The following LDB2 variants were observed in gnomAD, a reference collection of about 807,000 sequenced individuals.
LDB2 encodes LIM domain binding 2, also known as LIM domain-binding protein 2.
Under a neutral mutation model 44.3 loss-of-function variants are expected in LDB2, and 12 were observed. The ratio of observed to expected loss-of-function variants is 0.27; its 90% CI spans 0.17 to 0.44. LDB2 has a LOEUF of 0.44. Ranked by LOEUF, LDB2 falls within the 20% of genes least tolerant of loss-of-function variation. The pLI is 1.00. For synonymous variants in LDB2, 164 were observed against 174.8 expected, an observed-to-expected ratio of 0.94 and a Z score of 0.49; for missense variants, 344 against 473.5, an observed-to-expected ratio of 0.73 and a Z score of 2.54.
intron 1 of LDB2, among the ~76,000 whole-genome samples, chr4:16,814,027 A>G (rs932321359): frequency 3.3e-5 from 5 of 151,400 alleles, no homozygotes; most frequent in African/African-American, 7.3e-5. Context: ...GCCCACCACC[A>G]CGCCTGGCTA....
At chr4:16,839,437 G>A (rs1785464935) in intron 1 of LDB2, among the ~76,000 whole-genome samples, 1 of 152,132 alleles carries the variant, frequency 6.6e-6, no homozygotes, top group African/African-American at 2.4e-5. Flanking sequence ...CTGTTCATGA[G>A]GGATCCACCT....
chr4:16,773,257 G>A (rs1370043410), intron 1 of LDB2, among the ~76,000 whole-genome samples: 1 of 152,138 alleles, frequency 6.6e-6, no homozygotes, highest in African/African-American at 2.4e-5. Flanking sequence ...TGGAAGACAG[G>A]TTTTTCACGG....
intron 2 of LDB2, among the ~76,000 whole-genome samples, chr4:16,720,834 T>G (rs543431903): frequency 3.3e-5 from 5 of 152,168 alleles, no homozygotes; most frequent in Admixed American, 2.6e-4. Context: ...AATCGTTATC[T>G]TATTTCATGG....
At chr4:16,592,482 A>G (rs1480794914) in intron 3 of LDB2, among the ~76,000 whole-genome samples, 1 of 131,504 alleles carries the variant, frequency 7.6e-6, no homozygotes, top group South Asian at 2.5e-4. Flanking sequence ...ATATATATAT[A>G]TATATATATA....
chr4:16,775,793 T>C (rs1009415651), intron 1 of LDB2, among the ~76,000 whole-genome samples: 4 of 152,164 alleles, frequency 2.6e-5, no homozygotes, highest in African/African-American at 9.7e-5. Flanking sequence ...ATTTTTCCTG[T>C]ACCCCTAGTG....
Position 16,534,076 on chromosome 4 carries a change from T to TG in LDB2, c.616-21973dup, listed in dbSNP as rs199933653. On this transcript the variant is annotated intron_variant, in intron 5 of 7. Coordinates refer to ENST00000304523, the MANE Select transcript of LDB2 (RefSeq NM_001290.5). ...CTCTCAAGGTAAATGATCATAAACT[T>TG]GGGGGGCAGGGGTGTCCAGCAGAAT... 2.5e-3 allele frequency among the ~76,000 whole-genome samples: 378 copies of TG among 152,180 alleles called. 2 individuals carry two copies. The highest frequency in any genetic ancestry group is 8.5e-3 in the African/African-American group (354 of 41,524).
chr4:16,833,688 G>A (rs540874802), intron 1 of LDB2, among the ~76,000 whole-genome samples: 5 of 152,114 alleles, frequency 3.3e-5, no homozygotes, highest in East Asian at 1.9e-4. Context: ...GACTACCGGC[G>A]CATGCCACCA....
intron 1 of LDB2, among the ~76,000 whole-genome samples, chr4:16,841,753 G>A (rs1177415539): frequency 6.6e-6 from 1 of 152,108 alleles, no homozygotes; most frequent in Non-Finnish European, 1.5e-5. Flanking sequence ...CATTTACCTT[G>A]GAACTGAACA....
In LDB2 at chr4:16,602,388, T is replaced by C. The variant is rs1440353591; in HGVS notation, c.236-6513A>G. On this transcript the variant is annotated intron_variant, in intron 2 of 7. Coordinates refer to ENST00000304523, the MANE Select transcript of LDB2 (RefSeq NM_001290.5). Reference sequence around the variant, plus strand: ...AGGGGCAAAAGCCCTAAGACAGGAATGAATTTTGATTGAACGAGTTTAGTG... The same window carrying C: ...AGGGGCAAAAGCCCTAAGACAGGAACGAATTTTGATTGAACGAGTTTAGTG... 2.0e-5 allele frequency among the ~76,000 whole-genome samples: 3 copies of C among 152,264 alleles called. No homozygotes were observed. In the East Asian group the frequency reaches 5.8e-4, roughly 29 times the overall value.
At position 16,502,745 on chromosome 4, in the gene LDB2, GA is replaced by G. The variant is rs1233651959; in HGVS notation, c.1019del (p.Phe340SerfsTer45). ...TGTTCCCCAGCGCGGGTGAATTGTTGAAGTCCTCCTCGTCGTCCATGCCGTT... is the reference window on the plus strand; with the variant it reads ...TGTTCCCCAGCGCGGGTGAATTGTTGAGTCCTCCTCGTCGTCCATGCCGTT... Reference protein sequence around the residue: ...AANGMDDEEDFNNSPALGNNS... With the variant: ...AANGMDDEEDXNNSPALGNNS... On this transcript the variant is annotated frameshift_variant, in exon 8 of 8. Coordinates refer to ENST00000304523, the MANE Select transcript of LDB2 (RefSeq NM_001290.5). LOFTEE classifies it high-confidence loss of function. The G allele has an allele frequency of 6.2e-7, 1 of 1,613,976 alleles. No individual in the cohort carries two copies. The highest frequency in any genetic ancestry group is 1.7e-5 in the Admixed American group (1 of 60,006).
chr4:16,621,416 T>C (rs926778926), intron 2 of LDB2, among the ~76,000 whole-genome samples: 1 of 152,232 alleles, frequency 6.6e-6, no homozygotes, highest in African/African-American at 2.4e-5. Context: ...GGCTGAATTC[T>C]GCAGGATAGA....
At chr4:16,831,174 CTT>C (rs370309653) in intron 1 of LDB2, among the ~76,000 whole-genome samples, 81 of 126,694 alleles carry the variant, frequency 6.4e-4, no homozygotes, top group East Asian at 1.1e-3. Flanking sequence ...CCTCTCTGAG[CTT>C]TTTTTTTTTT....
At chr4:16,522,764 T>C (rs1005333503) in intron 5 of LDB2, among the ~76,000 whole-genome samples, 2 of 152,232 alleles carry the variant, frequency 1.3e-5, no homozygotes, top group African/African-American at 4.8e-5. Context: ...GTCCTGACCA[T>C]TGGGCTATTG....
chr4:16,656,906 A>T (rs187428321), intron 2 of LDB2, among the ~76,000 whole-genome samples: 1 of 152,338 alleles, frequency 6.6e-6, no homozygotes, highest in Non-Finnish European at 1.5e-5. Context: ...TTAAGTTCTA[A>T]CAAGTAAGTA....
chr4:16,813,917 G>A (rs1579913863), intron 1 of LDB2, among the ~76,000 whole-genome samples: 1 of 151,388 alleles, frequency 6.6e-6, no homozygotes, highest in East Asian at 1.9e-4. Context: ...TGTCGCCCAG[G>A]CTGGAGTGCA....
chr4:16,858,863 C>A (rs148161362), intron 1 of LDB2, among the ~76,000 whole-genome samples: 2 of 152,250 alleles, frequency 1.3e-5, no homozygotes, highest in East Asian at 1.9e-4. Flanking sequence ...AAGTTCTTTA[C>A]GATATCTTTT....
At chr4:16,729,276 A>C (rs1029203327) in intron 2 of LDB2, among the ~76,000 whole-genome samples, 15 of 152,198 alleles carry the variant, frequency 9.9e-5, no homozygotes, top group Non-Finnish European at 2.1e-4. Flanking sequence ...CATTTTAAAA[A>C]AGCCTTTATA....
At chr4:16,719,675 G>A (rs1757834440) in intron 2 of LDB2, among the ~76,000 whole-genome samples, 1 of 152,110 alleles carries the variant, frequency 6.6e-6, no homozygotes, top group Non-Finnish European at 1.5e-5. Context: ...ATGCAGCAGT[G>A]TTGAGAGGGT....
At chr4:16,848,519 A>G (rs1787542597) in intron 1 of LDB2, among the ~76,000 whole-genome samples, 1 of 152,228 alleles carries the variant, frequency 6.6e-6, no homozygotes, top group Admixed American at 6.5e-5. Flanking sequence ...AGCATGTGGA[A>G]GAATATTTGG....
Sources: gnomAD v4.1 joint callset for allele counts (sites outside exome capture counted in the v4.1 genomes callset) on GRCh38, gnomAD v4.1.1 for gene constraint, MANE v1.5 for transcripts, NCBI Gene and HGNC (gene_info 2026-07-23, HGNC 2026-07-21) for gene names.